EBF1: variants seen among roughly 807,000 people sequenced by gnomAD.
EBF1 encodes the protein transcription factor COE1.
EBF1 carries 10 observed loss-of-function variants against 68.4 expected under a neutral mutation model. That is an observed-to-expected ratio of 0.15 (90% CI 0.09 to 0.25). The LOEUF (loss-of-function observed/expected upper bound fraction) is 0.25, where lower values mean the gene tolerates loss of function less well. Ranked by LOEUF, EBF1 falls within the 10% of genes least tolerant of loss-of-function variation. The pLI is 1.00. For missense variants in EBF1, 509 were observed against 794.4 expected, an observed-to-expected ratio of 0.64 and a Z score of 4.32; for synonymous variants, 298 against 299.8, an observed-to-expected ratio of 0.99 and a Z score of 0.06.
In EBF1 at chr5:158,708,092, G is replaced by A. The variant is rs1177307849; in HGVS notation, c.1631C>T (p.Ser544Leu). 1 of 1,581,622 alleles carries A rather than the reference G, an allele frequency of 6.3e-7. No homozygotes were observed. The highest frequency in any genetic ancestry group is 8.6e-7 in the Non-Finnish European group (1 of 1,163,192). Residue 544 changes from serine to leucine, a missense_variant, in exon 15 of 16, where the codon TCA becomes TTA. Physicochemically the swap from Ser to Leu is moderately radical, Grantham distance 145 (BLOSUM62 -2). Around this residue, in one of 3 missense-constraint regions of EBF1, gnomAD observed 205 missense variants for 247.4 expected, o/e 0.83. Coordinates refer to ENST00000313708, the MANE Select transcript of EBF1 (RefSeq NM_024007.5). ...CSSSSGIFSF[S>L]PANMVSAVKQ... ...CACGGCTGAGACCATGTTGGCTGGTGAGAAGGAGAAGATGCCCGAGGAGCT... is the reference window on the plus strand; with the variant it reads ...CACGGCTGAGACCATGTTGGCTGGTAAGAAGGAGAAGATGCCCGAGGAGCT...
At chr5:158,756,205 T>C (rs1770055291) in intron 10 of EBF1, among the ~76,000 whole-genome samples, 1 of 152,016 alleles carries the variant, frequency 6.6e-6, no homozygotes, top group Non-Finnish European at 1.5e-5. Context: ...CAACCACAGA[T>C]CAACTTTCCC....
At chr5:158,884,258 C>A (rs1799541311) in intron 6 of EBF1, among the ~76,000 whole-genome samples, 1 of 152,108 alleles carries the variant, frequency 6.6e-6, no homozygotes, top group Non-Finnish European at 1.5e-5. Context: ...GTAAGTGAGG[C>A]ATAGTGGAAT....
At chr5:158,916,641 C>A (rs1562292950) in intron 6 of EBF1, among the ~76,000 whole-genome samples, 1 of 152,152 alleles carries the variant, frequency 6.6e-6, no homozygotes, top group Non-Finnish European at 1.5e-5. Context: ...GGATTTGAAC[C>A]CAGGTCTCTC....
At chr5:158,929,539 CAT>C (rs35620456) in intron 6 of EBF1, among the ~76,000 whole-genome samples, 10,517 of 152,272 alleles carry the variant, frequency 0.069, 471 homozygotes, top group Non-Finnish European at 0.093. Context: ...ACTCCAGTCA[CAT>C]GTGTCTACAG....
chr5:158,720,436 T>C (rs1216131507), intron 11 of EBF1, among the ~76,000 whole-genome samples: 1 of 152,184 alleles, frequency 6.6e-6, no homozygotes, highest in Admixed American at 6.6e-5. Flanking sequence ...TTGTGTTTAT[T>C]CAGCCAAATG....
intron 11 of EBF1, among the ~76,000 whole-genome samples, chr5:158,720,460 T>C (rs1761701058): frequency 6.6e-6 from 1 of 152,178 alleles, no homozygotes; most frequent in Non-Finnish European, 1.5e-5. Context: ...AATTCCACAA[T>C]GGTAGACTTT....
At chr5:159,065,407 CA>C (rs893003812) in intron 6 of EBF1, among the ~76,000 whole-genome samples, 8 of 152,264 alleles carry the variant, frequency 5.3e-5, no homozygotes, top group Middle Eastern at 6.8e-3. Flanking sequence ...CATCAAAAAG[CA>C]GCAGCTGATG....
chr5:158,762,610 A>G (rs1368705712), intron 10 of EBF1, among the ~76,000 whole-genome samples: 1 of 152,178 alleles, frequency 6.6e-6, no homozygotes, highest in Non-Finnish European at 1.5e-5. Flanking sequence ...ATCTCAGCTC[A>G]CTACAAGCTC....
chr5:159,089,257 T>C (rs1781213963), intron 4 of EBF1, among the ~76,000 whole-genome samples: 1 of 152,126 alleles, frequency 6.6e-6, no homozygotes, highest in Non-Finnish European at 1.5e-5. Context: ...CATATTCTTA[T>C]GCAAAAACAT....
At chr5:158,929,376 T>C (rs1281696671) in intron 6 of EBF1, among the ~76,000 whole-genome samples, 1 of 152,170 alleles carries the variant, frequency 6.6e-6, no homozygotes, top group African/African-American at 2.4e-5. Context: ...AAAGAAATGG[T>C]ATATTTCTAC....
intron 6 of EBF1, among the ~76,000 whole-genome samples, chr5:158,939,477 A>G (rs1164029777): frequency 6.6e-6 from 1 of 152,180 alleles, no homozygotes; most frequent in Non-Finnish European, 1.5e-5. Context: ...AGAATAAGCA[A>G]GGGCAAGAAA....
chr5:158,726,930 T>C (rs1188631503), intron 11 of EBF1, among the ~76,000 whole-genome samples: 1 of 152,238 alleles, frequency 6.6e-6, no homozygotes. Context: ...ACACCCACAG[T>C]GCAGGGATTA....
At chr5:158,741,793 C>G (rs1766473108) in intron 10 of EBF1, among the ~76,000 whole-genome samples, 1 of 152,132 alleles carries the variant, frequency 6.6e-6, no homozygotes, top group African/African-American at 2.4e-5. Context: ...TGCTAAGTGC[C>G]ACAATGAATT....
At chr5:158,809,736 T>C (rs540565243) in intron 8 of EBF1, among the ~76,000 whole-genome samples, 1 of 152,302 alleles carries the variant, frequency 6.6e-6, no homozygotes, top group African/African-American at 2.4e-5. Context: ...TGTTACATGT[T>C]GGGCTGCTAA....
intron 15 of EBF1, among the ~76,000 whole-genome samples, chr5:158,703,895 C>G (rs1486095794): frequency 6.6e-6 from 1 of 152,214 alleles, no homozygotes; most frequent in South Asian, 2.1e-4. Context: ...GGGTGCCCAG[C>G]CTTTCCCAGA....
intron 8 of EBF1, 130 bp downstream of exon 8, chr5:158,823,046 A>G: frequency 7.8e-7 from 1 of 1,274,322 alleles, no homozygotes; most frequent in South Asian, 1.4e-5. Context: ...AAAACCCTAG[A>G]GGACCAATCT....
chr5:159,052,352 A>G (rs1204212533), intron 6 of EBF1, among the ~76,000 whole-genome samples: 1 of 3,948 alleles, frequency 2.5e-4, no homozygotes, highest in South Asian at 2.7e-3. Context: ...AAAGATATAG[A>G]AAAAAAAAAA....
intron 6 of EBF1, among the ~76,000 whole-genome samples, chr5:158,849,692 C>A (rs779495398): frequency 5.3e-5 from 8 of 152,190 alleles, no homozygotes; most frequent in Admixed American, 1.3e-4. Context: ...AAACTACCTG[C>A]AAATATTAAT....
chr5:158,898,751 T>C (rs1462973315), intron 6 of EBF1, among the ~76,000 whole-genome samples: 1 of 152,234 alleles, frequency 6.6e-6, no homozygotes, highest in African/African-American at 2.4e-5. Flanking sequence ...CGCTTTTTTA[T>C]TGCAGATGCA....
Sources: allele counts gnomAD v4.1 joint callset (sites outside exome capture counted in the v4.1 genomes callset), GRCh38; gene constraint gnomAD v4.1.1; regional missense constraint gnomAD v4.1.1; transcripts MANE v1.5; gene names NCBI Gene and HGNC (gene_info 2026-07-23, HGNC 2026-07-21).